CDS2: variants seen among roughly 807,000 people sequenced by gnomAD.
The protein encoded by CDS2 is CDP-diacylglycerol synthase 2.
Under a neutral mutation model 59.0 loss-of-function variants are expected in CDS2, and 47 were observed. The observed-to-expected ratio is 0.80, with a 90% CI of 0.63 to 1.02. The LOEUF is 1.02. Ranked by LOEUF, CDS2 falls within the 50% of genes least tolerant of loss-of-function variation. The probability of loss-of-function intolerance (pLI) is 0.00; values close to 1 mark genes in which losing one functional copy is unlikely to be tolerated. For missense variants in CDS2, 356 were observed against 558.9 expected (o/e 0.64, Z 3.66); for synonymous variants, 207 against 206.4 (o/e 1.00, Z -0.02).
Position 5,190,240 on chromosome 20 carries a change from A to G in CDS2, c.*6A>G, listed in dbSNP as rs1301371769. On this transcript the variant is annotated 3_prime_UTR_variant, in exon 13 of 13. Coordinates refer to ENST00000460006, the MANE Select transcript of CDS2 (RefSeq NM_003818.4). ...CCACCACAGAGGACGAGTAGGGGCCACCCAGGGCCAGGAGAACAGGAACAG... is the reference window on the plus strand; with the variant it reads ...CCACCACAGAGGACGAGTAGGGGCCGCCCAGGGCCAGGAGAACAGGAACAG... 7 of 1,612,518 alleles carry G rather than the reference A, an allele frequency of 4.3e-6. No homozygotes were observed. Among genetic ancestry groups the G allele is most frequent in the Non-Finnish European group, 5.1e-6 (6 of 1,179,212 alleles).
At position 5,175,143 on chromosome 20, in the gene CDS2, C is replaced by G. The variant is rs2090985212; in HGVS notation, c.195-40C>G. 4.1e-6 allele frequency: 6 copies of G among 1,472,288 alleles called. No homozygotes were observed. The South Asian group carries it at 6.8e-5, about 17-fold the overall frequency. 91.2% of individuals were successfully genotyped at this position (1,472,288 alleles called of 1,614,324 possible). ...TTGTGCATTGGTTTTTTTCTGGGCT[C>G]CTAACTGGTGTTTTCTCCTTCCCCT... On this transcript the variant is annotated intron_variant, in intron 2 of 12. Transcript: ENST00000460006.
At chr20:5,139,799 CTTTTT>C (rs141846083) in intron 1 of CDS2, among the ~76,000 whole-genome samples, 1 of 135,124 alleles carries the variant, frequency 7.4e-6, no homozygotes, top group African/African-American at 2.8e-5. Context: ...TTTCAGCATC[CTTTTT>C]TTTTTTTTTT....
At chr20:5,169,971 G>A (rs1017760347) in intron 1 of CDS2, among the ~76,000 whole-genome samples, 9 of 152,162 alleles carry the variant, frequency 5.9e-5, no homozygotes, top group South Asian at 2.1e-4. Flanking sequence ...TTAGGGTCTC[G>A]TGCTTCTGTC....
chr20:5,139,831 C>T (rs1332922446), intron 1 of CDS2, among the ~76,000 whole-genome samples: 1 of 144,460 alleles, frequency 6.9e-6, no homozygotes, highest in East Asian at 2.0e-4. Context: ...TGGAGTCTCA[C>T]TCTATTGCCC....
In CDS2 at chr20:5,189,147, A is replaced by C; in HGVS notation, c.1062A>C (p.Gly354=). The part of the protein sequence containing the change: ...TFASLIGPFG[G]FFASGFKRAF... ...CCTCGCTCATTGGCCCCTTTGGAGG[A>C]TTCTTCGCAAGTGGATTCAAACGAG... The change falls in exon 11 of 13, where the codon GGA becomes GGC. Residue 354 remains glycine (G), a synonymous_variant. Transcript: ENST00000460006. The C allele has an allele frequency of 1.2e-6, 2 of 1,614,076 alleles. No homozygotes were observed. Among genetic ancestry groups the C allele is most frequent in the Non-Finnish European group, 1.7e-6 (2 of 1,180,002 alleles).
chr20:5,181,642 C>T (rs747515935), intron 5 of CDS2, among the ~76,000 whole-genome samples: 1 of 152,106 alleles, frequency 6.6e-6, no homozygotes, highest in South Asian at 2.1e-4. Context: ...GCTATGTTCT[C>T]GGAAATGCAT....
At chr20:5,178,740 C>G in intron 4 of CDS2, 77 bp from the exon 5 acceptor site, 2 of 1,526,142 alleles carry the variant, frequency 1.3e-6, no homozygotes, top group South Asian at 2.3e-5. Context: ...CCCTCTGTCC[C>G]TTCCTCTGGG....
Position 5,190,383 on chromosome 20 carries a change from CA to C in CDS2, c.*155del. 2 of 718,842 alleles carry C rather than the reference CA, an allele frequency of 2.8e-6. No individual in the cohort carries two copies. The highest frequency in any genetic ancestry group is 4.4e-6 in the Non-Finnish European group (2 of 458,150). 44.5% of individuals were successfully genotyped at this position (718,842 alleles called of 1,614,324 possible). ...GGAGGGTATTTTTTATTTGTGGGTTCAAAAAATCTGTATATACAGTCTATGT... is the reference window on the plus strand; with the variant it reads ...GGAGGGTATTTTTTATTTGTGGGTTCAAAAATCTGTATATACAGTCTATGT... On this transcript the variant is annotated 3_prime_UTR_variant, in exon 13 of 13. Transcript: ENST00000460006.
chr20:5,174,590 T>G (rs2090980625), intron 2 of CDS2, among the ~76,000 whole-genome samples: 1 of 151,980 alleles, frequency 6.6e-6, no homozygotes, highest in Non-Finnish European at 1.5e-5. Flanking sequence ...CTGGGTGTGG[T>G]GGCAGGCGCC....
chr20:5,137,088 T>A (rs1469357646), intron 1 of CDS2, among the ~76,000 whole-genome samples: 1 of 152,094 alleles, frequency 6.6e-6, no homozygotes. Flanking sequence ...CCTAGCTGCA[T>A]CCATGTTGCC....
chr20:5,158,153 C>G (rs1490113718), intron 1 of CDS2, among the ~76,000 whole-genome samples: 1 of 147,488 alleles, frequency 6.8e-6, no homozygotes, highest in African/African-American at 2.5e-5. Flanking sequence ...AGATTGGCTC[C>G]TGCTTTAGGT....
At chr20:5,147,734 TTTG>T (rs895730406) in intron 1 of CDS2, among the ~76,000 whole-genome samples, 3 of 152,048 alleles carry the variant, frequency 2.0e-5, no homozygotes, top group Non-Finnish European at 2.9e-5. Context: ...TCTTTCTTTT[TTTG>T]TTTCTTTGGT....
intron 1 of CDS2, among the ~76,000 whole-genome samples, chr20:5,137,837 C>T (rs1217111486): frequency 3.3e-5 from 5 of 151,366 alleles, no homozygotes; most frequent in Admixed American, 1.3e-4. Flanking sequence ...CTCGCTCTGT[C>T]GCCCAGGCTG....
At chr20:5,161,839 A>G (rs2123016411) in intron 1 of CDS2, among the ~76,000 whole-genome samples, 1 of 151,892 alleles carries the variant, frequency 6.6e-6, no homozygotes, top group East Asian at 1.9e-4. Context: ...TGTTTTAACC[A>G]CTCTATTGGA....
rs2091049771 is a variant in CDS2, at chr20:5,184,007, AAATAGCT to A, written c.672-850_672-844del. ...CCCCGTCTCTACTAAAAATACAAAA[AAATAGCT>A]GGTGTGGTGGCGTGGCAGGTGCCTG... is the stretch of plus-strand genomic sequence containing the variant. On this transcript the variant is annotated intron_variant, in intron 7 of 12. Transcript: ENST00000460006. The surrounding 1 kb of genome is among the most constrained non-coding windows in gnomAD (Gnocchi z 4.3). 1.3e-5 allele frequency among the ~76,000 whole-genome samples: 2 copies of A among 152,056 alleles called. No homozygotes were observed. The highest frequency in any genetic ancestry group is 4.8e-5 in the African/African-American group (2 of 41,400).
intron 1 of CDS2, among the ~76,000 whole-genome samples, chr20:5,166,343 A>G (rs1381350116): frequency 6.6e-6 from 1 of 152,154 alleles, no homozygotes; most frequent in Non-Finnish European, 1.5e-5. Context: ...ACCATTTGCT[A>G]AGATAAGTCA....
chr20:5,148,326 T>G (rs375110100), intron 1 of CDS2, among the ~76,000 whole-genome samples: 1 of 152,186 alleles, frequency 6.6e-6, no homozygotes. Context: ...TAGGCTCTTA[T>G]CAGCTTTATG....
chr20:5,165,639 C>T (rs2090908243), intron 1 of CDS2, among the ~76,000 whole-genome samples: 1 of 152,238 alleles, frequency 6.6e-6, no homozygotes, highest in African/African-American at 2.4e-5. Flanking sequence ...GCCTCAATCT[C>T]CTAGGCTTAG....
chr20:5,151,791 T>G (rs1487855747), intron 1 of CDS2, among the ~76,000 whole-genome samples: 2 of 122,892 alleles, frequency 1.6e-5, no homozygotes, highest in Admixed American at 9.7e-5. Context: ...TGAGACGGAG[T>G]TTCGCTCTTG....
Sources: allele counts gnomAD v4.1 joint callset (sites outside exome capture counted in the v4.1 genomes callset), GRCh38; gene constraint gnomAD v4.1.1; non-coding constraint Gnocchi (gnomAD v3.1); transcripts MANE v1.5; gene names NCBI Gene and HGNC (gene_info 2026-07-23, HGNC 2026-07-21).